Variants in SLC35F3 observed in about 807,000 individuals in gnomAD.
SLC35F3 encodes putative thiamine transporter SLC35F3.
A neutral mutation model predicts 49.9 loss-of-function variants in SLC35F3; 25 were observed. The ratio of observed to expected loss-of-function variants is 0.50; its 90% CI spans 0.37 to 0.70. SLC35F3 has a LOEUF of 0.70. Ranked by LOEUF, SLC35F3 falls within the 30% of genes least tolerant of loss-of-function variation. The pLI is 0.00. For missense variants in SLC35F3, 525 were observed against 639.8 expected, an observed-to-expected ratio of 0.82 and a Z score of 1.94; for synonymous variants, 275 against 265.4, an observed-to-expected ratio of 1.04 and a Z score of -0.35.
chr1:234,236,910 C>T (rs1162202034), intron 3 of SLC35F3, among the ~76,000 whole-genome samples: 1 of 64,448 alleles, frequency 1.6e-5, no homozygotes, highest in African/African-American at 6.2e-5. Flanking sequence ...AGACAGTCTC[C>T]TATTAAAAAA....
intron 2 of SLC35F3, among the ~76,000 whole-genome samples, chr1:234,032,358 A>G (rs1401894268): frequency 6.6e-6 from 1 of 151,396 alleles, no homozygotes; most frequent in Non-Finnish European, 1.5e-5. Context: ...TTCTTTTTAT[A>G]TTTTTTTCTT....
chr1:234,048,479 A>T (rs1225650213), intron 2 of SLC35F3, among the ~76,000 whole-genome samples: 1 of 152,222 alleles, frequency 6.6e-6, no homozygotes, highest in Non-Finnish European at 1.5e-5. Context: ...GGTTGTGAAC[A>T]TGCTTCATCC....
chr1:234,270,822 C>T (rs1418280973), intron 3 of SLC35F3, among the ~76,000 whole-genome samples: 1 of 152,186 alleles, frequency 6.6e-6, no homozygotes, highest in Non-Finnish European at 1.5e-5. Context: ...TGACGCAGGG[C>T]TTGTCAAGGT....
intron 2 of SLC35F3, among the ~76,000 whole-genome samples, chr1:234,075,174 C>T (rs899018235): frequency 6.6e-6 from 1 of 152,100 alleles, no homozygotes; most frequent in Non-Finnish European, 1.5e-5. Context: ...ACATATGTTC[C>T]ATGTTAGAAC....
chr1:234,106,445 C>T (rs1191107000), intron 2 of SLC35F3, among the ~76,000 whole-genome samples: 2 of 152,184 alleles, frequency 1.3e-5, no homozygotes, highest in African/African-American at 4.8e-5. Context: ...GCTGGAAGAC[C>T]AAGATCAGGG....
At chr1:234,271,096 TA>T (rs1199901707) in intron 3 of SLC35F3, among the ~76,000 whole-genome samples, 3 of 152,256 alleles carry the variant, frequency 2.0e-5, no homozygotes, top group African/African-American at 7.2e-5. Flanking sequence ...TGTGGAATTT[TA>T]TTGCTGTTAA....
In SLC35F3 at chr1:234,021,174, G is replaced by A. The variant is rs568306014; in HGVS notation, c.283+115416G>A. 1.3e-4 allele frequency among the ~76,000 whole-genome samples: 19 copies of A among 149,786 alleles called. No individual in the cohort carries two copies. In the South Asian group the frequency reaches 2.5e-3, roughly 20 times the overall value. ...TTGTGACCCTAGGAGACATTGCCCC[G>A]CCCCCAGCAGGCTCCAGACCTTGCA... On this transcript the variant is annotated intron_variant, in intron 2 of 7. Coordinates refer to ENST00000366618, the MANE Select transcript of SLC35F3 (RefSeq NM_173508.4).
At chr1:234,286,357 A>G (rs1668419738) in intron 3 of SLC35F3, among the ~76,000 whole-genome samples, 1 of 152,224 alleles carries the variant, frequency 6.6e-6, no homozygotes, top group Non-Finnish European at 1.5e-5. Flanking sequence ...TAAGGTATCC[A>G]CATGGATCTA....
At chr1:234,011,233 G>T (rs1188362849) in intron 2 of SLC35F3, among the ~76,000 whole-genome samples, 2 of 152,028 alleles carry the variant, frequency 1.3e-5, no homozygotes, top group Non-Finnish European at 2.9e-5. Flanking sequence ...CACGGTGGTG[G>T]ATTAAATCAA....
chr1:234,032,114 G>A (rs926082722), intron 2 of SLC35F3, among the ~76,000 whole-genome samples: 16 of 151,780 alleles, frequency 1.1e-4, no homozygotes, highest in African/African-American at 3.1e-4. Flanking sequence ...TTCTGCTCTC[G>A]GCATTCTCTA....
intron 2 of SLC35F3, among the ~76,000 whole-genome samples, chr1:234,143,702 A>G (rs1264004308): frequency 6.6e-6 from 1 of 152,188 alleles, no homozygotes; most frequent in South Asian, 2.1e-4. Flanking sequence ...CCATGTTGAC[A>G]TGGATGGCAT....
chr1:233,919,325 G>A (rs1305879152), intron 2 of SLC35F3, among the ~76,000 whole-genome samples: 1 of 152,204 alleles, frequency 6.6e-6, no homozygotes, highest in African/African-American at 2.4e-5. Flanking sequence ...AGATAGAACT[G>A]TGCCTAGGAC....
At chr1:234,316,787 C>T (rs1657500536) in intron 5 of SLC35F3, 60 bp downstream of exon 5, 1 of 1,558,308 alleles carries the variant, frequency 6.4e-7, no homozygotes, top group Non-Finnish European at 8.8e-7. Flanking sequence ...GCACAGCCGG[C>T]TTTAGATCGC....
chr1:234,148,606 A>G (rs1024695439), intron 2 of SLC35F3, among the ~76,000 whole-genome samples: 21 of 152,212 alleles, frequency 1.4e-4, no homozygotes, highest in African/African-American at 5.1e-4. Context: ...GTATCATGAA[A>G]CACTGATGAT....
chr1:234,270,989 C>T (rs1316168456), intron 3 of SLC35F3, among the ~76,000 whole-genome samples: 2 of 152,168 alleles, frequency 1.3e-5, no homozygotes, highest in Non-Finnish European at 2.9e-5. Context: ...AAGAAGGGAT[C>T]ATCTTCTCTC....
chr1:234,162,130 T>C (rs1666237346), intron 2 of SLC35F3, among the ~76,000 whole-genome samples: 1 of 152,066 alleles, frequency 6.6e-6, no homozygotes, highest in Non-Finnish European at 1.5e-5. Flanking sequence ...TTGACCCTCC[T>C]GAGATGTGCT....
Position 234,231,415 on chromosome 1 carries a change from A to AG in SLC35F3, c.286dup. The AG allele has an allele frequency of 6.5e-7, 1 of 1,542,116 alleles. No individual in the cohort carries two copies. The highest frequency in any genetic ancestry group is 8.7e-7 in the Non-Finnish European group (1 of 1,147,552). ...CGCTAACCACGCCCTTCTCTTCCCC[A>AG]GGGGAGGAGCGCCCCCGGGACTCCC... On this transcript the variant is annotated splice_acceptor_variant, in intron 2 of 7. Transcript: ENST00000366618. LOFTEE classifies it high-confidence loss of function. The surrounding 1 kb of genome is among the most constrained non-coding windows in gnomAD (Gnocchi z 5.4).
intron 3 of SLC35F3, among the ~76,000 whole-genome samples, chr1:234,302,193 A>G (rs1668703953): frequency 6.6e-6 from 1 of 152,118 alleles, no homozygotes; most frequent in African/African-American, 2.4e-5. Context: ...AAATTAAAAG[A>G]AAAAAGAAGA....
chr1:233,914,965 T>C (rs1340839003), intron 2 of SLC35F3, among the ~76,000 whole-genome samples: 1 of 152,234 alleles, frequency 6.6e-6, no homozygotes. Context: ...GATTTTTCTT[T>C]CATGCAGCTT....
Sources: gnomAD v4.1 joint callset for allele counts (sites outside exome capture counted in the v4.1 genomes callset) on GRCh38, gnomAD v4.1.1 for gene constraint, Gnocchi (gnomAD v3.1) non-coding constraint, MANE v1.5 for transcripts, NCBI Gene and HGNC (gene_info 2026-07-23, HGNC 2026-07-21) for gene names.